CAMKMT: variants seen among roughly 807,000 people sequenced by gnomAD.
CAMKMT encodes the protein calmodulin-lysine N-methyltransferase.
In CAMKMT, 53 loss-of-function variants were observed where a neutral mutation model predicts 48.0. That is an observed-to-expected ratio of 1.10 (90% confidence interval 0.89 to 1.39). CAMKMT has a LOEUF of 1.39. Among genes scored for constraint, CAMKMT ranks in the 40% most tolerant of loss-of-function variants. The pLI is 0.00. For synonymous variants in CAMKMT, 165 were observed against 152.3 expected, an observed-to-expected ratio of 1.08 and a Z score of -0.61; for missense variants, 428 against 402.7, an observed-to-expected ratio of 1.06 and a Z score of -0.54.
At chr2:44,483,652 C>G (rs1669082338) in intron 3 of CAMKMT, among the ~76,000 whole-genome samples, 1 of 152,020 alleles carries the variant, frequency 6.6e-6, no homozygotes, top group South Asian at 2.1e-4. Flanking sequence ...AGCTCAAGGT[C>G]TAAGGGAAAA....
At chr2:44,433,735 C>T (rs1178679824) in intron 3 of CAMKMT, among the ~76,000 whole-genome samples, 2 of 152,134 alleles carry the variant, frequency 1.3e-5, no homozygotes, top group Non-Finnish European at 2.9e-5. Flanking sequence ...AACATGCTTA[C>T]ATATGGCTTA....
chr2:44,426,765 T>C (rs1251471134), intron 3 of CAMKMT, among the ~76,000 whole-genome samples: 1 of 152,204 alleles, frequency 6.6e-6, no homozygotes, highest in Non-Finnish European at 1.5e-5. Context: ...AATTTACAGA[T>C]TCAATGCTAT....
chr2:44,375,089 C>T (rs1299202414), intron 2 of CAMKMT, among the ~76,000 whole-genome samples: 2 of 152,066 alleles, frequency 1.3e-5, no homozygotes, highest in Admixed American at 1.3e-4. Context: ...CATAATCATG[C>T]CACTGCACTC....
At chr2:44,373,939 C>T (rs985698635) in intron 2 of CAMKMT, among the ~76,000 whole-genome samples, 6 of 144,692 alleles carry the variant, frequency 4.1e-5, no homozygotes, top group Non-Finnish European at 7.7e-5. Flanking sequence ...GCCTGGGCAA[C>T]ATGGCAAAAC....
At chr2:44,397,324 A>G (rs1237861809) in intron 3 of CAMKMT, among the ~76,000 whole-genome samples, 11 of 152,246 alleles carry the variant, frequency 7.2e-5, no homozygotes, top group Admixed American at 7.2e-4. Flanking sequence ...TCATCAATGC[A>G]TTATGTGGTT....
At position 44,361,986 on chromosome 2, in the gene CAMKMT, G is replaced by A. The variant is rs1333926794; in HGVS notation, c.-22G>A. On this transcript the variant is annotated 5_prime_UTR_variant, in exon 1 of 11. Coordinates refer to ENST00000378494, the MANE Select transcript of CAMKMT (RefSeq NM_024766.5). ...GACGAGCTGCGGCGGTGGCACCTCC[G>A]GGTGTGGAAGGCTCCAGTGAGATGG... 7.3e-7 allele frequency: 1 copy of A among 1,371,400 alleles called. No individual in the cohort carries two copies. The highest frequency in any genetic ancestry group is 1.7e-5 in the South Asian group (1 of 58,668). The allele number at this position is 1,371,400 out of a possible 1,614,324, so 85.0% of individuals were successfully genotyped here. A position where few individuals can be genotyped will look rare whatever the true frequency, so the allele number is the denominator to read the frequency against.
chr2:44,446,038 G>A (rs1255694828), intron 3 of CAMKMT, among the ~76,000 whole-genome samples: 1 of 151,988 alleles, frequency 6.6e-6, no homozygotes, highest in Non-Finnish European at 1.5e-5. Flanking sequence ...TTAGAGGGGG[G>A]AATGTGACAG....
At chr2:44,525,163 T>A (rs1671339242) in intron 3 of CAMKMT, among the ~76,000 whole-genome samples, 1 of 152,190 alleles carries the variant, frequency 6.6e-6, no homozygotes. Flanking sequence ...AAATATATAG[T>A]AAATTAGATT....
intron 3 of CAMKMT, among the ~76,000 whole-genome samples, chr2:44,394,616 C>T (rs891427629): frequency 3.3e-5 from 5 of 152,044 alleles, no homozygotes; most frequent in East Asian, 1.9e-4. Context: ...TTAGTAGAGA[C>T]GGAGTTTCAC....
chr2:44,712,742 C>T lies in CAMKMT; in HGVS notation c.557-2545C>T, dbSNP rs564497122. On this transcript the variant is annotated intron_variant, in intron 6 of 10. Coordinates refer to ENST00000378494, the MANE Select transcript of CAMKMT (RefSeq NM_024766.5). ...GAAGGTGGGTGCGGTTCAGAGAACA[C>T]GATTTGGCCCGTTGTGTTGAACACT... is the stretch of plus-strand genomic sequence containing the variant. 6.6e-5 allele frequency among the ~76,000 whole-genome samples: 10 copies of T among 152,254 alleles called. No individual in the cohort carries two copies. In the South Asian group the frequency reaches 1.9e-3, roughly 28 times the overall value.
At chr2:44,722,191 T>C (rs991565100) in intron 7 of CAMKMT, among the ~76,000 whole-genome samples, 1 of 150,876 alleles carries the variant, frequency 6.6e-6, no homozygotes, top group African/African-American at 2.4e-5. Flanking sequence ...TTTTTTTTTT[T>C]TTCTATTCTG....
intron 10 of CAMKMT, among the ~76,000 whole-genome samples, chr2:44,768,358 TA>T (rs1467683181): frequency 1.7e-3 from 158 of 95,456 alleles, no homozygotes; most frequent in African/African-American, 5.8e-3. Context: ...TATATATATA[TA>T]TATTTTTTTT....
intron 7 of CAMKMT, among the ~76,000 whole-genome samples, chr2:44,735,590 T>C (rs937317293): frequency 1.2e-4 from 19 of 152,090 alleles, no homozygotes; most frequent in African/African-American, 4.6e-4. Context: ...TCAAATGATA[T>C]ACCATTTCAT....
Position 44,754,087 on chromosome 2 carries a change from T to C in CAMKMT, c.731T>C (p.Val244Ala). ...LFLDQYRASL[V>A]DAIKRLLQPR... ...CTGGACCAGTACAGAGCCAGCCTTG[T>C]TGATGCAATAAAGAGATTACTCCAG... is the stretch of plus-strand genomic sequence containing the variant. Residue 244 changes from valine to alanine, a missense_variant, in exon 9 of 11, where the codon GTT (valine) becomes GCT (alanine). By Grantham distance (64) the Val-to-Ala change is moderately conservative. Coordinates refer to ENST00000378494, the MANE Select transcript of CAMKMT (RefSeq NM_024766.5). 6.2e-7 allele frequency: 1 copy of C among 1,614,078 alleles called. No homozygotes were observed. Among genetic ancestry groups the C allele is most frequent in the South Asian group, 1.1e-5 (1 of 91,080 alleles).
At chr2:44,379,690 A>G (rs901413755) in intron 2 of CAMKMT, among the ~76,000 whole-genome samples, 1 of 151,414 alleles carries the variant, frequency 6.6e-6, no homozygotes, top group Non-Finnish European at 1.5e-5. Flanking sequence ...GTATCTTTTC[A>G]TGTGCTTATT....
At chr2:44,458,852 G>T (rs944779727) in intron 3 of CAMKMT, among the ~76,000 whole-genome samples, 1 of 152,056 alleles carries the variant, frequency 6.6e-6, no homozygotes, top group African/African-American at 2.4e-5. Flanking sequence ...GCAGTAATAC[G>T]AGGTTTCTAA....
At chr2:44,443,302 C>T (rs1432956004) in intron 3 of CAMKMT, among the ~76,000 whole-genome samples, 1 of 152,066 alleles carries the variant, frequency 6.6e-6, no homozygotes, top group South Asian at 2.1e-4. Context: ...AATCACAGCT[C>T]CTGTCCCTGG....
chr2:44,463,084 A>G (rs1462803152), intron 3 of CAMKMT, among the ~76,000 whole-genome samples: 1 of 152,220 alleles, frequency 6.6e-6, no homozygotes, highest in Non-Finnish European at 1.5e-5. Flanking sequence ...ATCTTATTGT[A>G]GTATTGTAGT....
intron 3 of CAMKMT, among the ~76,000 whole-genome samples, chr2:44,678,355 T>C (rs984444216): frequency 2.6e-5 from 4 of 152,228 alleles, no homozygotes; most frequent in Admixed American, 2.6e-4. Flanking sequence ...TGTACTTCTC[T>C]AAATGTGACT....
Sources: gnomAD v4.1 joint callset for allele counts (sites outside exome capture counted in the v4.1 genomes callset) on GRCh38, gnomAD v4.1.1 for gene constraint, MANE v1.5 for transcripts, NCBI Gene and HGNC (gene_info 2026-07-23, HGNC 2026-07-21) for gene names.